AP1S3: variants seen among roughly 807,000 people sequenced by gnomAD.
The protein encoded by AP1S3 is AP-1 complex subunit sigma-3.
Under a neutral mutation model 20.9 loss-of-function variants are expected in AP1S3, and 10 were observed. That is an observed-to-expected ratio of 0.48 (90% CI 0.29 to 0.81). AP1S3 has a LOEUF of 0.81. AP1S3 is among the 30% of genes least tolerant of loss of function. The pLI is 0.08. For missense variants in AP1S3, 154 were observed against 183.8 expected (o/e 0.84, Z 0.94); for synonymous variants, 41 against 61.5 (o/e 0.67, Z 1.56).
At chr2:223,789,041 T>C (rs982521208) in intron 1 of AP1S3, among the ~76,000 whole-genome samples, 2 of 152,110 alleles carry the variant, frequency 1.3e-5, no homozygotes, top group Non-Finnish European at 2.9e-5. Context: ...CTGTCAGCAT[T>C]TTAAGCACCC....
At chr2:223,789,836 A>C (rs1047696058) in intron 1 of AP1S3, among the ~76,000 whole-genome samples, 5 of 30,116 alleles carry the variant, frequency 1.7e-4, no homozygotes, top group Admixed American at 5.6e-4. Flanking sequence ...AGACTCTATC[A>C]AAAAAAAAAA....
At chr2:223,786,087 T>C (rs1691065481) in intron 1 of AP1S3, among the ~76,000 whole-genome samples, 1 of 152,190 alleles carries the variant, frequency 6.6e-6, no homozygotes, top group Non-Finnish European at 1.5e-5. Flanking sequence ...TCTCATACCT[T>C]CCACTCAATT....
At chr2:223,789,762 C>T (rs916988370) in intron 1 of AP1S3, among the ~76,000 whole-genome samples, 7 of 148,736 alleles carry the variant, frequency 4.7e-5, no homozygotes, top group Non-Finnish European at 7.4e-5. Context: ...CGCTTAAGCC[C>T]GGGAGGCAGA....
At chr2:223,793,805 G>A (rs1038691340) in intron 1 of AP1S3, among the ~76,000 whole-genome samples, 2 of 148,182 alleles carry the variant, frequency 1.3e-5, no homozygotes, top group Non-Finnish European at 3.0e-5. Flanking sequence ...CACCTAATAC[G>A]TTTTTTTTTT....
chr2:223,758,359 C>T lies in AP1S3; in HGVS notation c.*356G>A, dbSNP rs551136517. 1 of 1,013,440 alleles carries T rather than the reference C, an allele frequency of 9.9e-7. No homozygotes were observed. Among genetic ancestry groups the T allele is most frequent in the African/African-American group, 1.7e-5 (1 of 58,672 alleles). The allele number at this position is 1,013,440 out of a possible 1,614,324, so 62.8% of individuals were successfully genotyped here. Reference sequence around the variant, plus strand: ...TTACATTCAAAATCATGGATTATTACAATATTGTGTCAAATGCAAAAAAAA... The same window carrying T: ...TTACATTCAAAATCATGGATTATTATAATATTGTGTCAAATGCAAAAAAAA... On this transcript the variant is annotated 3_prime_UTR_variant, in exon 5 of 5. Coordinates refer to ENST00000396654, the MANE Select transcript of AP1S3 (RefSeq NM_001039569.2).
intron 1 of AP1S3, among the ~76,000 whole-genome samples, chr2:223,779,070 A>G (rs1320324585): frequency 2.6e-5 from 4 of 152,228 alleles, no homozygotes; most frequent in Non-Finnish European, 5.9e-5. Context: ...ATCTCAAGTT[A>G]CAATTGTCTT....
At chr2:223,774,139 C>T (rs979174197) in intron 3 of AP1S3, among the ~76,000 whole-genome samples, 5 of 152,040 alleles carry the variant, frequency 3.3e-5, no homozygotes, top group African/African-American at 4.8e-5. Context: ...CCAAGGCAGG[C>T]GGATCGCCCG....
At chr2:223,823,059 T>C (rs1285068988) in intron 1 of AP1S3, among the ~76,000 whole-genome samples, 1 of 152,170 alleles carries the variant, frequency 6.6e-6, no homozygotes, top group Admixed American at 6.6e-5. Flanking sequence ...TCACACCTGT[T>C]AGAAAGGCTA....
intron 1 of AP1S3, among the ~76,000 whole-genome samples, chr2:223,821,057 C>G (rs946898269): frequency 2.0e-5 from 3 of 152,244 alleles, no homozygotes; most frequent in Non-Finnish European, 4.4e-5. Context: ...GAGAAACCCT[C>G]TATTTAGAAT....
intron 1 of AP1S3, among the ~76,000 whole-genome samples, chr2:223,808,416 T>C (rs1691635657): frequency 6.6e-6 from 1 of 152,154 alleles, no homozygotes; most frequent in Non-Finnish European, 1.5e-5. Flanking sequence ...CAATGCTACA[T>C]GTTAGGGTGG....
intron 1 of AP1S3, among the ~76,000 whole-genome samples, chr2:223,778,177 GTGCAGTGGCGCGGTCT>G (rs370977091): frequency 0.089 from 13,539 of 151,532 alleles, 963 homozygotes; most frequent in African/African-American, 0.18. Context: ...CCAGGCTGGA[GTGCAGTGGCGCGGTCT>G]CAGCTCACTG....
intron 1 of AP1S3, among the ~76,000 whole-genome samples, chr2:223,796,321 A>T (rs145329773): frequency 7.9e-4 from 120 of 152,308 alleles, no homozygotes; most frequent in African/African-American, 2.6e-3. Flanking sequence ...TTTCACTAAC[A>T]GTTTCCATGT....
intron 1 of AP1S3, among the ~76,000 whole-genome samples, chr2:223,785,239 G>A (rs1204623977): frequency 1.3e-5 from 2 of 152,180 alleles, no homozygotes; most frequent in Non-Finnish European, 2.9e-5. Context: ...CCACTCGGGA[G>A]GCTGAGACAG....
At position 223,756,793 on chromosome 2, in the gene AP1S3, T is replaced by C. The variant is rs1690232706; in HGVS notation, c.*1922A>G. 2.0e-6 allele frequency: 2 copies of C among 985,368 alleles called. No homozygotes were observed. Among genetic ancestry groups the C allele is most frequent in the Admixed American group, 6.1e-5 (1 of 16,272 alleles). 61.0% of individuals were successfully genotyped at this position (985,368 alleles called of 1,614,324 possible). A position where few individuals can be genotyped will look rare whatever the true frequency, so the allele number is the denominator to read the frequency against. On this transcript the variant is annotated 3_prime_UTR_variant, in exon 5 of 5. Coordinates refer to ENST00000396654, the MANE Select transcript of AP1S3 (RefSeq NM_001039569.2). ...ATGAACTAAAGAGAACATTTTTCCA[T>C]CGAGTTCTCTAAAAATCTACCAGAT...
At chr2:223,818,998 G>A (rs1199053424) in intron 1 of AP1S3, among the ~76,000 whole-genome samples, 1 of 152,172 alleles carries the variant, frequency 6.6e-6, no homozygotes, top group Non-Finnish European at 1.5e-5. Context: ...AGTAATTGTA[G>A]GGCTAATTAC....
At chr2:223,776,102 C>T (rs539718777) in intron 2 of AP1S3, 93 bp from the exon 3 acceptor site, 79 of 849,368 alleles carry the variant, frequency 9.3e-5, no homozygotes, top group African/African-American at 1.3e-4. Context: ...CCTCCTCCCC[C>T]GCCGAGCCTC....
intron 3 of AP1S3, among the ~76,000 whole-genome samples, chr2:223,766,471 C>T (rs1690484888): frequency 6.6e-6 from 1 of 152,144 alleles, no homozygotes; most frequent in Non-Finnish European, 1.5e-5. Flanking sequence ...TGTCACTAGT[C>T]ATTAGAAAAA....
chr2:223,830,635 G>T (rs1692236587), intron 1 of AP1S3, among the ~76,000 whole-genome samples: 1 of 152,128 alleles, frequency 6.6e-6, no homozygotes, highest in African/African-American at 2.4e-5. Flanking sequence ...GATATACCCA[G>T]TGTGGAAGGA....
intron 1 of AP1S3, among the ~76,000 whole-genome samples, chr2:223,786,408 C>G (rs570939036): frequency 6.6e-6 from 1 of 152,096 alleles, no homozygotes; most frequent in Non-Finnish European, 1.5e-5. Context: ...ATTGTTTTTA[C>G]AGCAGGTGCG....
Sources: allele counts gnomAD v4.1 joint callset (sites outside exome capture counted in the v4.1 genomes callset), GRCh38; gene constraint gnomAD v4.1.1; transcripts MANE v1.5; gene names NCBI Gene and HGNC (gene_info 2026-07-23, HGNC 2026-07-21).